Variants in SHISA9 observed in about 807,000 individuals in gnomAD.
SHISA9 encodes the protein shisa family member 9, also known as protein shisa-9.
Under a neutral mutation model 38.0 loss-of-function variants are expected in SHISA9, and 13 were observed. The observed-to-expected ratio is 0.34, with a 90% confidence interval of 0.22 to 0.54. The LOEUF (loss-of-function observed/expected upper bound fraction) is 0.54, where lower values mean the gene tolerates loss of function less well. SHISA9 is among the 20% of genes least tolerant of loss of function. The pLI is 0.91. For missense variants in SHISA9, 538 were observed against 575.8 expected (o/e 0.93, Z 0.67); for synonymous variants, 275 against 242.0 (o/e 1.14, Z -1.27).
At chr16:13,304,299 C>T in the SHISA9 span, among the ~76,000 whole-genome samples, 3 of 152,248 alleles carry the variant, frequency 2.0e-5, no homozygotes, top group Admixed American at 2.0e-4. Flanking sequence ...CACTCTGTCA[C>T]CTGGGCTGCT....
chr16:12,903,007 T>G, intron 1 of SHISA9: 1 of 196,562 alleles, frequency 5.1e-6, no homozygotes, highest in Non-Finnish European at 1.0e-5. Flanking sequence ...TTCCAGGTGC[T>G]AGCTTTTTGG....
the SHISA9 span, among the ~76,000 whole-genome samples, chr16:13,408,506 AT>A: frequency 2.0e-5 from 3 of 152,258 alleles, no homozygotes; most frequent in East Asian, 1.9e-4. Flanking sequence ...ATAAAAAATA[AT>A]TTTTTCTAGC....
the SHISA9 span, among the ~76,000 whole-genome samples, chr16:13,455,607 A>G: frequency 6.6e-6 from 1 of 152,234 alleles, no homozygotes; most frequent in Non-Finnish European, 1.5e-5. Context: ...AATTATGTTC[A>G]TTCAACCCTT....
At chr16:12,945,820 G>A (rs948050597) in intron 2 of SHISA9, among the ~76,000 whole-genome samples, 7 of 152,232 alleles carry the variant, frequency 4.6e-5, no homozygotes, top group African/African-American at 1.2e-4. Flanking sequence ...ATATGGCCAG[G>A]TGTGGTGGCT....
the SHISA9 span, among the ~76,000 whole-genome samples, chr16:13,500,000 A>G: frequency 6.6e-6 from 1 of 152,172 alleles, no homozygotes; most frequent in Non-Finnish European, 1.5e-5. Flanking sequence ...ACAAGCAAGC[A>G]AATATAGCAG....
At chr16:12,925,521 G>A (rs933179891) in intron 2 of SHISA9, among the ~76,000 whole-genome samples, 1 of 151,876 alleles carries the variant, frequency 6.6e-6, no homozygotes, top group Non-Finnish European at 1.5e-5. Flanking sequence ...ATCACTTTCT[G>A]TAAGTTGTCT....
the SHISA9 span, among the ~76,000 whole-genome samples, chr16:13,365,454 C>CT: frequency 0.45 from 50,052 of 112,352 alleles, 12,674 homozygotes; most frequent in East Asian, 0.53. Flanking sequence ...GAGTATACCT[C>CT]TTTTTTTTTT....
intron 2 of SHISA9, among the ~76,000 whole-genome samples, chr16:13,020,352 G>T (rs1004230865): frequency 2.0e-5 from 3 of 151,876 alleles, no homozygotes; most frequent in African/African-American, 7.3e-5. Context: ...TGATTCTCTT[G>T]CATCCTCTGA....
At chr16:13,439,769 C>T in the SHISA9 span, among the ~76,000 whole-genome samples, 4 of 152,152 alleles carry the variant, frequency 2.6e-5, no homozygotes, top group South Asian at 2.1e-4. Flanking sequence ...CTGCTGCCAG[C>T]GTGTGAAAAC....
intron 2 of SHISA9, among the ~76,000 whole-genome samples, chr16:13,176,100 G>A (rs946692284): frequency 2.6e-5 from 4 of 151,048 alleles, no homozygotes; most frequent in Non-Finnish European, 3.0e-5. Flanking sequence ...CTTAATTTCC[G>A]TGTTTTTTTA....
At chr16:13,229,444 C>G (rs2051310295) in intron 4 of SHISA9, among the ~76,000 whole-genome samples, 1 of 152,094 alleles carries the variant, frequency 6.6e-6, no homozygotes, top group African/African-American at 2.4e-5. Context: ...CTTTAGTTCT[C>G]TAACAAAAAA....
the SHISA9 span, among the ~76,000 whole-genome samples, chr16:13,536,994 T>C: frequency 6.6e-6 from 1 of 152,310 alleles, no homozygotes; most frequent in African/African-American, 2.4e-5. Context: ...TGGTGTCTGG[T>C]TCTTGAGTCA....
chr16:13,363,822 G>T, the SHISA9 span, among the ~76,000 whole-genome samples: 5 of 152,196 alleles, frequency 3.3e-5, no homozygotes, highest in Non-Finnish European at 7.3e-5. Flanking sequence ...AATCACGGAA[G>T]ATTACTATTC....
the SHISA9 span, among the ~76,000 whole-genome samples, chr16:13,269,740 A>G: frequency 6.6e-6 from 1 of 152,212 alleles, no homozygotes; most frequent in East Asian, 1.9e-4. Context: ...ATAAAGAGAA[A>G]GAATTTAGGA....
the SHISA9 span, among the ~76,000 whole-genome samples, chr16:13,521,335 C>A: frequency 5.3e-5 from 8 of 152,220 alleles, no homozygotes; most frequent in African/African-American, 1.7e-4. Context: ...ATTCTCTCAT[C>A]CTCCCAAGGA....
In SHISA9 at chr16:13,093,751, A is replaced by C. The variant is rs532410035; in HGVS notation, c.692-109643A>C. ...TGACCTCCCCAATCTCTGCCTTTGCATCCGTTTGTGTCTTTACTGAGAAGG... is the reference window on the plus strand; with the variant it reads ...TGACCTCCCCAATCTCTGCCTTTGCCTCCGTTTGTGTCTTTACTGAGAAGG... On this transcript the variant is annotated intron_variant, in intron 2 of 4. Transcript: ENST00000558583. 3.6e-4 allele frequency among the ~76,000 whole-genome samples: 55 copies of C among 152,252 alleles called. 1 individual carries two copies. In the South Asian group the frequency reaches 0.011, roughly 30 times the overall value.
chr16:13,443,020 A>G, the SHISA9 span, among the ~76,000 whole-genome samples: 2 of 152,200 alleles, frequency 1.3e-5, no homozygotes, highest in African/African-American at 4.8e-5. Flanking sequence ...TTCCTTCATC[A>G]GAGCCATAAC....
chr16:13,353,144 G>T, the SHISA9 span, among the ~76,000 whole-genome samples: 3 of 152,120 alleles, frequency 2.0e-5, no homozygotes, highest in Non-Finnish European at 4.4e-5. Context: ...GCGGGATTGG[G>T]GGCGGTGTGG....
rs2051425400 is a variant in SHISA9 at position 13,240,397 on chromosome 16, A to G, written c.*4988A>G. The stretch of plus-strand genomic sequence containing the variant: ...ATTAATATGAATTTCTTACCTGGCA[A>G]TAAAACTGATTATATGTGAGGCTGT... On this transcript the variant is annotated 3_prime_UTR_variant, in exon 5 of 5. Coordinates refer to ENST00000558583, the MANE Select transcript of SHISA9 (RefSeq NM_001145204.3). The G allele has an allele frequency of 6.6e-6, 1 of 152,244 alleles. No individual in the cohort carries two copies. The allele number at this position is 152,244 out of a possible 1,614,324, so 9.4% of individuals were successfully genotyped here.
Sources: gnomAD v4.1 joint callset for allele counts (sites outside exome capture counted in the v4.1 genomes callset) on GRCh38, gnomAD v4.1.1 for gene constraint, MANE v1.5 for transcripts, NCBI Gene and HGNC (gene_info 2026-07-23, HGNC 2026-07-21) for gene names.